Variants in ARRB1 observed in about 807,000 individuals in gnomAD.
ARRB1 encodes the protein arrestin beta 1, also known as beta-arrestin-1.
In ARRB1, 21 loss-of-function variants were observed where a neutral mutation model predicts 56.8. That is an observed-to-expected ratio of 0.37 (90% CI 0.26 to 0.53). The LOEUF (loss-of-function observed/expected upper bound fraction) is 0.53. Ranked by LOEUF, ARRB1 falls within the 20% of genes least tolerant of loss-of-function variation. ARRB1 has a pLI of 0.88. For missense variants in ARRB1, 424 were observed against 553.7 expected (o/e 0.77, Z 2.35); for synonymous variants, 210 against 218.6 (o/e 0.96, Z 0.35).
At chr11:75,273,043 G>T in intron 11 of ARRB1, 65 bp from the exon 12 acceptor site, 2 of 1,397,558 alleles carry the variant, frequency 1.4e-6, no homozygotes, top group Non-Finnish European at 2.0e-6. Context: ...CCTCAGGGGT[G>T]GGTATGCTGG....
chr11:75,267,293 C>CA (rs1459344288), intron 15 of ARRB1, among the ~76,000 whole-genome samples: 1 of 152,214 alleles, frequency 6.6e-6, no homozygotes, highest in Non-Finnish European at 1.5e-5. Flanking sequence ...GCCCACCCCA[C>CA]AGCCTGATTC....
chr11:75,293,689 A>G (rs1946660098), intron 1 of ARRB1, among the ~76,000 whole-genome samples: 1 of 152,226 alleles, frequency 6.6e-6, no homozygotes, highest in South Asian at 2.1e-4. Context: ...GACAAGGAAC[A>G]GAACCAGCCC....
At chr11:75,318,520 T>G (rs1255532427) in intron 1 of ARRB1, among the ~76,000 whole-genome samples, 6 of 152,000 alleles carry the variant, frequency 3.9e-5, no homozygotes, top group African/African-American at 1.4e-4. Flanking sequence ...TGAAACCCCA[T>G]CTCTACTAAA....
At chr11:75,336,856 A>G (rs751152618) in intron 1 of ARRB1, among the ~76,000 whole-genome samples, 1 of 152,182 alleles carries the variant, frequency 6.6e-6, no homozygotes, top group Non-Finnish European at 1.5e-5. Context: ...CGTGGTATGC[A>G]TAAGAAAACT....
At chr11:75,291,225 T>A (rs1403310332) in intron 1 of ARRB1, among the ~76,000 whole-genome samples, 1 of 152,120 alleles carries the variant, frequency 6.6e-6, no homozygotes, top group Non-Finnish European at 1.5e-5. Flanking sequence ...TAATCCCAGC[T>A]ACTTGGGAGG....
In ARRB1 at chr11:75,273,851, G is replaced by A. The variant is rs1209907533; in HGVS notation, c.914+223C>T. ...GGTAGCAGAGCCCAGCACTGCCTGAGTGAGCTGGCCTAGTGGTCCATCTTA... is the reference window on the plus strand; with the variant it reads ...GGTAGCAGAGCCCAGCACTGCCTGAATGAGCTGGCCTAGTGGTCCATCTTA... On this transcript the variant is annotated intron_variant, in intron 11 of 15. Coordinates refer to ENST00000420843, the MANE Select transcript of ARRB1 (RefSeq NM_004041.5). Among the ~76,000 whole-genome samples, 6 of 152,318 alleles carry A rather than the reference G, an allele frequency of 3.9e-5. No individual in the cohort carries two copies. The South Asian group carries it at 1.2e-3, about 32-fold the overall frequency.
At chr11:75,286,224 G>A (rs1186500217) in intron 3 of ARRB1, among the ~76,000 whole-genome samples, 2 of 145,728 alleles carry the variant, frequency 1.4e-5, no homozygotes, top group African/African-American at 2.5e-5. Flanking sequence ...GATGGGAAAG[G>A]CCATACTAGG....
At chr11:75,271,608 C>T in intron 13 of ARRB1, 93 bp downstream of exon 13, 1 of 1,364,716 alleles carries the variant, frequency 7.3e-7, no homozygotes, top group South Asian at 1.4e-5. Flanking sequence ...AAGATTCCTT[C>T]CAACCCAGTG....
intron 1 of ARRB1, among the ~76,000 whole-genome samples, chr11:75,328,232 G>T (rs368772849): frequency 1.3e-5 from 2 of 152,070 alleles, no homozygotes; most frequent in Non-Finnish European, 2.9e-5. Context: ...TTCATTTCAC[G>T]TAAGGTTTGC....
chr11:75,351,634 G>T lies in ARRB1; in HGVS notation c.-27C>A. On this transcript the variant is annotated 5_prime_UTR_variant, in exon 1 of 16. Transcript: ENST00000420843. ...GTCCGCGACGGTCGCAGGGAGGTCC[G>T]CGGCGTCAGCGCCCAGGCTGGAAAA... 7.3e-7 allele frequency: 1 copy of T among 1,373,676 alleles called. No individual in the cohort carries two copies. The allele number at this position is 1,373,676 out of a possible 1,614,324, so 85.1% of individuals were successfully genotyped here.
intron 2 of ARRB1, among the ~76,000 whole-genome samples, chr11:75,288,190 GTA>G (rs1946526223): frequency 6.6e-6 from 1 of 152,206 alleles, no homozygotes; most frequent in African/African-American, 2.4e-5. Context: ...TGAGTTAAAA[GTA>G]TATGTTATTT....
chr11:75,285,935 G>A (rs1336270290), intron 3 of ARRB1, among the ~76,000 whole-genome samples: 5 of 152,194 alleles, frequency 3.3e-5, no homozygotes, highest in Admixed American at 6.5e-5. Context: ...GCCTGCTCCC[G>A]GCCTCTGAGA....
chr11:75,283,256 G>T, intron 5 of ARRB1, 31 bp downstream of exon 5: 1 of 1,564,528 alleles, frequency 6.4e-7, no homozygotes, highest in Non-Finnish European at 8.7e-7. Context: ...GGCATTTCTG[G>T]AATGGGGCCC....
intron 1 of ARRB1, 113 bp downstream of exon 1, chr11:75,351,475 T>C: frequency 6.9e-7 from 1 of 1,440,666 alleles, no homozygotes; most frequent in Non-Finnish European, 9.2e-7. Flanking sequence ...GAGCTGGTAC[T>C]AGATCCCGCG....
intron 1 of ARRB1, among the ~76,000 whole-genome samples, chr11:75,317,070 A>AAAT (rs143929998): frequency 1.6e-4 from 24 of 152,192 alleles, no homozygotes; most frequent in African/African-American, 4.3e-4. Flanking sequence ...CTCCGTCTCA[A>AAAT]AATAATAATA....
chr11:75,294,758 G>C (rs1354258344), intron 1 of ARRB1, among the ~76,000 whole-genome samples: 1 of 151,988 alleles, frequency 6.6e-6, no homozygotes, highest in Non-Finnish European at 1.5e-5. Flanking sequence ...GATTTCTCTG[G>C]TCCTATGAAG....
chr11:75,266,515 G>A (rs1163181923), intron 15 of ARRB1, among the ~76,000 whole-genome samples: 1 of 152,214 alleles, frequency 6.6e-6, no homozygotes, highest in Non-Finnish European at 1.5e-5. Flanking sequence ...CATGAAAGGG[G>A]CAGAGAGGGG....
chr11:75,290,921 G>T (rs891102403), intron 1 of ARRB1, among the ~76,000 whole-genome samples: 1 of 152,056 alleles, frequency 6.6e-6, no homozygotes, highest in African/African-American at 2.4e-5. Context: ...TACCACTTTC[G>T]AATGTACACA....
intron 1 of ARRB1, among the ~76,000 whole-genome samples, chr11:75,310,620 C>T (rs188114158): frequency 1.3e-5 from 2 of 152,258 alleles, no homozygotes; most frequent in Non-Finnish European, 2.9e-5. Flanking sequence ...ATGGCCTTTC[C>T]TTCAGCACCT....
Sources: allele counts gnomAD v4.1 joint callset (sites outside exome capture counted in the v4.1 genomes callset), GRCh38; gene constraint gnomAD v4.1.1; transcripts MANE v1.5; gene names NCBI Gene and HGNC (gene_info 2026-07-23, HGNC 2026-07-21).